PLXNC1: variants seen among roughly 807,000 people sequenced by gnomAD.
PLXNC1 encodes plexin-C1.
In PLXNC1, 75 loss-of-function variants were observed where a neutral mutation model predicts 178.2. The observed-to-expected ratio is 0.42, with a 90% CI of 0.35 to 0.51. The LOEUF is 0.51. PLXNC1 is among the 20% of genes least tolerant of loss of function. The probability of loss-of-function intolerance (pLI) is 0.02; values close to 1 mark genes in which losing one functional copy is unlikely to be tolerated. For synonymous variants in PLXNC1, 790 were observed against 779.9 expected (o/e 1.01, Z -0.22); for missense variants, 1,503 against 1,984.4 (o/e 0.76, Z 4.61).
intron 16 of PLXNC1, 72 bp downstream of exon 16, chr12:94,254,960 T>C: frequency 1.7e-6 from 2 of 1,197,174 alleles, no homozygotes; most frequent in African/African-American, 1.5e-5. Flanking sequence ...TACCCTTACA[T>C]AGAGATGGCC....
chr12:94,274,782 T>G (rs924890247), intron 21 of PLXNC1, among the ~76,000 whole-genome samples: 1 of 152,208 alleles, frequency 6.6e-6, no homozygotes. Context: ...TCTACCATCT[T>G]CTTGCTGGCT....
At chr12:94,267,090 C>T (rs1965284068) in intron 21 of PLXNC1, among the ~76,000 whole-genome samples, 1 of 152,196 alleles carries the variant, frequency 6.6e-6, no homozygotes, top group South Asian at 2.1e-4. Flanking sequence ...GCTTGTTATT[C>T]CTAACCTAGA....
At chr12:94,274,163 A>T (rs1965769978) in intron 21 of PLXNC1, among the ~76,000 whole-genome samples, 1 of 130,562 alleles carries the variant, frequency 7.7e-6, no homozygotes, top group African/African-American at 2.7e-5. Flanking sequence ...TCTAAAAAAA[A>T]AAAAAAAAAA....
chr12:94,176,575 G>A (rs1962058158), intron 2 of PLXNC1, among the ~76,000 whole-genome samples: 1 of 151,988 alleles, frequency 6.6e-6, no homozygotes, highest in African/African-American at 2.4e-5. Context: ...TCACCCTCAA[G>A]GATTTTTAAA....
At chr12:94,266,916 C>G (rs1463475711) in intron 21 of PLXNC1, among the ~76,000 whole-genome samples, 1 of 152,228 alleles carries the variant, frequency 6.6e-6, no homozygotes. Flanking sequence ...TCCCTCGGGA[C>G]TGACTGAATC....
At chr12:94,152,425 C>T (rs1181249822) in intron 1 of PLXNC1, among the ~76,000 whole-genome samples, 2 of 152,288 alleles carry the variant, frequency 1.3e-5, no homozygotes, top group African/African-American at 2.4e-5. Context: ...ACTGAAAGGA[C>T]GATAGCAGAT....
At chr12:94,189,911 A>C (rs548159468) in intron 4 of PLXNC1, among the ~76,000 whole-genome samples, 1 of 152,178 alleles carries the variant, frequency 6.6e-6, no homozygotes, top group South Asian at 2.1e-4. Context: ...GAGGAGCTAC[A>C]TATTCAAGGA....
chr12:94,287,997 G>T (rs965679986), intron 23 of PLXNC1, among the ~76,000 whole-genome samples: 1 of 152,164 alleles, frequency 6.6e-6, no homozygotes, highest in African/African-American at 2.4e-5. Context: ...ATGCCTCAAG[G>T]CTTGAAAGCA....
chr12:94,197,740 A>G (rs1170171299), intron 4 of PLXNC1, among the ~76,000 whole-genome samples: 1 of 152,136 alleles, frequency 6.6e-6, no homozygotes, highest in African/African-American at 2.4e-5. Flanking sequence ...TGTACAAGTA[A>G]TGGATTCAAC....
chr12:94,266,350 A>T (rs1005883628), intron 21 of PLXNC1, among the ~76,000 whole-genome samples: 5 of 152,194 alleles, frequency 3.3e-5, no homozygotes, highest in African/African-American at 1.2e-4. Flanking sequence ...AGCTGAGCTG[A>T]AAGTCAACAC....
intron 9 of PLXNC1, among the ~76,000 whole-genome samples, chr12:94,229,787 G>C (rs944833296): frequency 1.3e-5 from 2 of 152,156 alleles, no homozygotes; most frequent in African/African-American, 4.8e-5. Context: ...CGCACTGTTT[G>C]ATTACTGTAG....
At chr12:94,194,812 C>T (rs1197042327) in intron 4 of PLXNC1, among the ~76,000 whole-genome samples, 2 of 152,134 alleles carry the variant, frequency 1.3e-5, no homozygotes, top group East Asian at 3.8e-4. Flanking sequence ...AATTCCATAA[C>T]GTACATCATT....
chr12:94,283,980 G>T (rs1438147435), intron 23 of PLXNC1, among the ~76,000 whole-genome samples: 1 of 152,032 alleles, frequency 6.6e-6, no homozygotes, highest in Non-Finnish European at 1.5e-5. Flanking sequence ...CTACTTGGGA[G>T]GCTGAGGCAG....
rs1011024760 is a variant in PLXNC1, at chr12:94,244,552, G to A, written c.2388+527G>A. ...CCTTTCGTCTCCCCACAGGAGAAAT[G>A]GTAGGAGGGGTCTGGTTTCCACCTT... On this transcript the variant is annotated intron_variant, in intron 12 of 30. Transcript: ENST00000258526. Among the ~76,000 whole-genome samples the A allele has an allele frequency of 4.6e-5, 7 of 152,190 alleles. No individual in the cohort carries two copies. The East Asian group carries it at 7.7e-4, about 17-fold the overall frequency.
At chr12:94,195,278 G>C (rs1034172153) in intron 4 of PLXNC1, among the ~76,000 whole-genome samples, 6 of 152,080 alleles carry the variant, frequency 3.9e-5, no homozygotes, top group African/African-American at 1.4e-4. Context: ...ACCCTTCCTG[G>C]GTCACTTTCC....
At chr12:94,212,541 G>T (rs2136006663) in intron 5 of PLXNC1, among the ~76,000 whole-genome samples, 1 of 138,116 alleles carries the variant, frequency 7.2e-6, no homozygotes, top group East Asian at 2.2e-4. Flanking sequence ...TGATCTCATT[G>T]TTCAGTTCCC....
At chr12:94,161,170 A>G (rs1404857261) in intron 1 of PLXNC1, among the ~76,000 whole-genome samples, 2 of 152,134 alleles carry the variant, frequency 1.3e-5, no homozygotes, top group Non-Finnish European at 2.9e-5. Context: ...CTAACCATTC[A>G]TTTCAGTTAC....
chr12:94,169,958 C>G (rs143685508), intron 2 of PLXNC1, among the ~76,000 whole-genome samples: 71 of 152,244 alleles, frequency 4.7e-4, no homozygotes, highest in African/African-American at 1.7e-3. Context: ...TCAGAGATAC[C>G]AAATGACTTG....
intron 5 of PLXNC1, among the ~76,000 whole-genome samples, chr12:94,211,038 C>A (rs1168419250): frequency 6.6e-6 from 1 of 152,188 alleles, no homozygotes; most frequent in East Asian, 1.9e-4. Context: ...GATAATACTT[C>A]AGCTAAATGT....
Sources: allele counts gnomAD v4.1 joint callset (sites outside exome capture counted in the v4.1 genomes callset), GRCh38; gene constraint gnomAD v4.1.1; transcripts MANE v1.5; gene names NCBI Gene and HGNC (gene_info 2026-07-23, HGNC 2026-07-21).